Variants in DMXL2 observed in about 807,000 individuals in gnomAD.
DMXL2 encodes Dmx like 2.
A neutral mutation model predicts 331.1 loss-of-function variants in DMXL2; 103 were observed. That is an observed-to-expected ratio of 0.31 (90% CI 0.27 to 0.37). DMXL2 has a LOEUF of 0.37. Among genes scored for constraint, DMXL2 ranks in the 10% least tolerant of loss-of-function variants. DMXL2 has a pLI of 1.00. For synonymous variants in DMXL2, 1,281 were observed against 1,252.1 expected (o/e 1.02, Z -0.49); for missense variants, 3,171 against 3,642.9 (o/e 0.87, Z 3.33).
In DMXL2 at chr15:51,581,790, C is replaced by T. The variant is rs73401422; in HGVS notation, c.88-5609G>A. 7.6e-3 allele frequency among the ~76,000 whole-genome samples: 1,149 copies of T among 152,162 alleles called. 17 individuals carry two copies. Among genetic ancestry groups the T allele is most frequent in the African/African-American group, 0.026 (1,077 of 41,514 alleles). On this transcript the variant is annotated intron_variant, in intron 1 of 43. Transcript: ENST00000560891. ...AATAGATTAATTACATTAGCATTTACTATAGAATAGTTGGATGTTTTAACA... is the reference window on the plus strand; with the variant it reads ...AATAGATTAATTACATTAGCATTTATTATAGAATAGTTGGATGTTTTAACA...
intron 15 of DMXL2, among the ~76,000 whole-genome samples, chr15:51,509,857 C>T (rs538578664): frequency 1.3e-5 from 2 of 152,270 alleles, no homozygotes; most frequent in South Asian, 4.1e-4. Context: ...GCTTATCCAC[C>T]ACGATCAAGT....
intron 8 of DMXL2, among the ~76,000 whole-genome samples, chr15:51,542,994 A>C (rs1466102916): frequency 6.6e-6 from 1 of 152,092 alleles, no homozygotes; most frequent in African/African-American, 2.4e-5. Context: ...AACAAGGGGA[A>C]CCTACTTAGA....
chr15:51,482,836 T>C (rs1567011194), intron 23 of DMXL2, among the ~76,000 whole-genome samples: 1 of 152,196 alleles, frequency 6.6e-6, no homozygotes, highest in Non-Finnish European at 1.5e-5. Context: ...CACCTGGCAT[T>C]CATCCTCCGA....
At chr15:51,524,128 C>T (rs183891961) in intron 13 of DMXL2, among the ~76,000 whole-genome samples, 37 of 152,262 alleles carry the variant, frequency 2.4e-4, no homozygotes, top group African/African-American at 5.3e-4. Flanking sequence ...TGAAATCATA[C>T]GGTACATTTT....
chr15:51,565,735 G>A (rs2050226495), intron 3 of DMXL2, among the ~76,000 whole-genome samples: 1 of 152,140 alleles, frequency 6.6e-6, no homozygotes, highest in Admixed American at 6.6e-5. Flanking sequence ...TTTCTTTGTA[G>A]TACATAAATA....
intron 6 of DMXL2, among the ~76,000 whole-genome samples, chr15:51,556,171 G>A (rs1225273028): frequency 6.6e-6 from 1 of 150,982 alleles, no homozygotes; most frequent in African/African-American, 2.4e-5. Flanking sequence ...GTGAAACCCC[G>A]TCTCTACTAA....
rs549912714 is a variant in DMXL2 at position 51,574,414 on chromosome 15, G to A, written c.213+1642C>T. ...TGGTTAACCTTTAAAACTCAATTAG[G>A]TATATATTCTTTTAAGGCCTGCCAA... is the stretch of plus-strand genomic sequence containing the variant. On this transcript the variant is annotated intron_variant, in intron 2 of 43. Transcript: ENST00000560891. 2.1e-4 allele frequency among the ~76,000 whole-genome samples: 31 copies of A among 145,480 alleles called. No individual in the cohort carries two copies. The South Asian group carries it at 6.4e-3, about 30-fold the overall frequency.
At chr15:51,546,305 C>A (rs1596204811) in intron 7 of DMXL2, among the ~76,000 whole-genome samples, 1 of 152,138 alleles carries the variant, frequency 6.6e-6, no homozygotes, top group East Asian at 1.9e-4. Context: ...CTGTTTGTTA[C>A]AAAGGAACAA....
intron 40 of DMXL2, among the ~76,000 whole-genome samples, chr15:51,453,874 A>C (rs1275563208): frequency 6.6e-6 from 1 of 152,230 alleles, no homozygotes; most frequent in African/African-American, 2.4e-5. Flanking sequence ...ACAGAATTAA[A>C]GGTCATGTTT....
Position 51,514,578 on chromosome 15 carries a change from AT to A in DMXL2, c.2527-20del, listed in dbSNP as rs759010049. On this transcript the variant is annotated intron_variant, in intron 14 of 43. Transcript: ENST00000560891. ...AGCCACACTACAAATACAAAAAAAA[AT>A]GAAGAGGTTTTATCTTTGAAATTCC... 5 of 1,470,568 alleles carry A rather than the reference AT, an allele frequency of 3.4e-6. No individual in the cohort carries two copies. The highest frequency in any genetic ancestry group is 1.7e-4 in the Middle Eastern group (1 of 5,758). 91.1% of individuals were successfully genotyped at this position (1,470,568 alleles called of 1,614,324 possible).
At chr15:51,622,288 A>C (rs781748558) in intron 1 of DMXL2, among the ~76,000 whole-genome samples, 171 bp downstream of exon 1, 2 of 152,164 alleles carry the variant, frequency 1.3e-5, no homozygotes, top group Non-Finnish European at 2.9e-5. Context: ...CGCAGGACCC[A>C]CGGTCCCACG....
intron 30 of DMXL2, among the ~76,000 whole-genome samples, chr15:51,465,857 G>A (rs1052737261): frequency 6.6e-5 from 10 of 152,174 alleles, no homozygotes; most frequent in African/African-American, 1.9e-4. Context: ...AAATTACCTC[G>A]TGGAAAAAGA....
chr15:51,563,361 G>T lies in DMXL2; in HGVS notation c.567+20C>A. On this transcript the variant is annotated intron_variant, in intron 6 of 43. Coordinates refer to ENST00000560891, the MANE Select transcript of DMXL2 (RefSeq NM_001378457.1). ...ATTCTTTTATTTGTTTATTTCGTAT[G>T]TTTTTGTTTGATCCTTTACCTTTCC... is the stretch of plus-strand genomic sequence containing the variant. 2 of 1,554,674 alleles carry T rather than the reference G, an allele frequency of 1.3e-6. No homozygotes were observed. Among genetic ancestry groups the T allele is most frequent in the Non-Finnish European group, 8.8e-7 (1 of 1,138,030 alleles).
chr15:51,543,898 C>T (rs2070084541), intron 8 of DMXL2, among the ~76,000 whole-genome samples: 1 of 151,960 alleles, frequency 6.6e-6, no homozygotes, highest in Non-Finnish European at 1.5e-5. Flanking sequence ...ATGGAGGATA[C>T]AAAGATGTCT....
intron 1 of DMXL2, among the ~76,000 whole-genome samples, chr15:51,598,245 T>C (rs1227081792): frequency 6.6e-6 from 1 of 152,222 alleles, no homozygotes; most frequent in East Asian, 1.9e-4. Flanking sequence ...TATAAAAAGT[T>C]CCTGTATACC....
chr15:51,482,171 T>C (rs1265497657), intron 23 of DMXL2, among the ~76,000 whole-genome samples: 2 of 152,134 alleles, frequency 1.3e-5, no homozygotes, highest in East Asian at 3.9e-4. Context: ...GTCTATCAAG[T>C]TGGTAGCATA....
rs769142765 is a variant in DMXL2, at chr15:51,536,732, C to A, written c.1748G>T (p.Gly583Val). 4.3e-6 allele frequency: 7 copies of A among 1,613,840 alleles called. No individual in the cohort carries two copies. In the Admixed American group the frequency reaches 8.3e-5, roughly 19 times the overall value. ...TCCGTGAGGACTGCCTACAGACATCCCCTCCTGGTGTAACAGCGTGTGGTG... is the reference window on the plus strand; with the variant it reads ...TCCGTGAGGACTGCCTACAGACATCACCTCCTGGTGTAACAGCGTGTGGTG... ...DSHHTLLHQE[G>V]MSVGSPHGSQ... Residue 583 changes from glycine to valine, a missense_variant, in exon 12 of 44, where the codon GGG becomes GTG. Physicochemically the swap from Gly to Val is moderately radical, Grantham distance 109. Transcript: ENST00000560891.
rs530707464 is a variant in DMXL2 at position 51,491,024 on chromosome 15, A to G, written c.4953+554T>C. 6.6e-5 allele frequency among the ~76,000 whole-genome samples: 10 copies of G among 152,332 alleles called. No individual in the cohort carries two copies. In the South Asian group the frequency reaches 1.7e-3, roughly 25 times the overall value. On this transcript the variant is annotated intron_variant, in intron 20 of 43. Coordinates refer to ENST00000560891, the MANE Select transcript of DMXL2 (RefSeq NM_001378457.1). ...CTTAAACCAGGGCATACCTCAACTA[A>G]TAACAGAAAATATTATTATTCCACG... is the stretch of plus-strand genomic sequence containing the variant.
In DMXL2 at chr15:51,498,898, G is replaced by C; in HGVS notation, c.4326C>G (p.Ser1442=). The change falls in exon 18 of 44, where the codon TCC becomes TCG. Residue 1442 remains serine (S), a synonymous_variant. Coordinates refer to ENST00000560891, the MANE Select transcript of DMXL2 (RefSeq NM_001378457.1). ...YALLAADQDT[S]YRISEESTKI... is the part of the protein sequence containing the mutation. ...TTGTACTTTCTTCTGAAATTCTGTA[G>C]GATGTATCTTGATCTGCAGCAAGTA... is the stretch of plus-strand genomic sequence containing the variant. 6.2e-7 allele frequency: 1 copy of C among 1,614,068 alleles called. No individual in the cohort carries two copies. Among genetic ancestry groups the C allele is most frequent in the Non-Finnish European group, 8.5e-7 (1 of 1,180,004 alleles).
Sources: gnomAD v4.1 joint callset for allele counts (sites outside exome capture counted in the v4.1 genomes callset) on GRCh38, gnomAD v4.1.1 for gene constraint, MANE v1.5 for transcripts, NCBI Gene and HGNC (gene_info 2026-07-23, HGNC 2026-07-21) for gene names.